Variants in RMST observed in about 807,000 individuals in gnomAD.
RMST encodes the protein rhabdomyosarcoma 2 associated transcript.
In RMST at chr12:97,540,937, GATAGATAGATATAGAT is replaced by G. The variant is rs1224385468; in HGVS notation, n.1545+10086_1545+10101del. Among the ~76,000 whole-genome samples the G allele has an allele frequency of 6.1e-3, 686 of 112,152 alleles. 8 individuals are homozygous for G. Among genetic ancestry groups the G allele is most frequent in the African/African-American group, 0.022 (654 of 29,340 alleles). The allele number at this position is 112,152 out of a possible 152,430, so 73.6% of individuals were successfully genotyped here. A position where few individuals can be genotyped will look rare whatever the true frequency, so the allele number is the denominator to read the frequency against. On this transcript the variant is annotated intron_variant and non_coding_transcript_variant, in intron 11 of 13. Transcript: ENST00000640149. ...GATTAGATAGATAAATAGATAGAGA[GATAGATAGATATAGAT>G]ATAGATATAGATATAGATATAGATA...
chr12:97,482,405 G>T lies in RMST; in HGVS notation n.645-10056G>T, dbSNP rs560567813. Among the ~76,000 whole-genome samples, 4 of 152,100 alleles carry T rather than the reference G, an allele frequency of 2.6e-5. No individual in the cohort carries two copies. The South Asian group carries it at 8.3e-4, about 32-fold the overall frequency. ...CAGCCTGGGTTGGGCCACTGGTAAT[G>T]GTTTGCCAGCCCTCCATGTAGCTTC... On this transcript the variant is annotated intron_variant and non_coding_transcript_variant, in intron 5 of 13. Coordinates refer to ENST00000640149, the Ensembl canonical transcript of RMST.
intron 10 of RMST, among the ~76,000 whole-genome samples, chr12:97,524,735 T>G (rs1341046965): frequency 2.0e-5 from 3 of 152,188 alleles, no homozygotes; most frequent in Non-Finnish European, 4.4e-5. Flanking sequence ...AGTCTGTGAC[T>G]GGGAGCTGAA....
chr12:97,522,256 G>A (rs1220133181), intron 10 of RMST, among the ~76,000 whole-genome samples: 3 of 152,156 alleles, frequency 2.0e-5, no homozygotes, highest in Admixed American at 1.3e-4. Flanking sequence ...GCATTTCCTT[G>A]TATTCATCAA....
chr12:97,477,503 A>G (rs1874694666), intron 5 of RMST, among the ~76,000 whole-genome samples: 1 of 152,224 alleles, frequency 6.6e-6, no homozygotes, highest in Admixed American at 6.5e-5. Flanking sequence ...GTTGTAAAAA[A>G]TTATATAAAA....
intron 13 of RMST, among the ~76,000 whole-genome samples, chr12:97,562,215 C>T (rs771554610): frequency 1.4e-4 from 21 of 152,144 alleles, no homozygotes; most frequent in African/African-American, 4.1e-4. Context: ...AGAAAGAACC[C>T]GCTACCTGAG....
intron 5 of RMST, chr12:97,491,826 C>A: frequency 2.1e-6 from 1 of 465,398 alleles, no homozygotes; most frequent in South Asian, 1.6e-5. Context: ...CGTCATGGGT[C>A]ATTTTCATCA....
At chr12:97,520,225 A>G (rs963840500) in intron 10 of RMST, among the ~76,000 whole-genome samples, 3 of 152,234 alleles carry the variant, frequency 2.0e-5, no homozygotes, top group Non-Finnish European at 4.4e-5. Context: ...GGTCTCCTGT[A>G]GGTTTGGCTG....
At chr12:97,494,464 C>T (rs536680151) in intron 8 of RMST, among the ~76,000 whole-genome samples, 1 of 152,114 alleles carries the variant, frequency 6.6e-6, no homozygotes, top group African/African-American at 2.4e-5. Context: ...GTGGGAGGAC[C>T]CCTTGAGCCC....
intron 11 of RMST, among the ~76,000 whole-genome samples, chr12:97,554,542 A>C (rs1883555679): frequency 6.6e-6 from 1 of 152,206 alleles, no homozygotes; most frequent in Non-Finnish European, 1.5e-5. Context: ...TTAAAAAAAA[A>C]AGTCTTAAGG....
intron 11 of RMST, among the ~76,000 whole-genome samples, chr12:97,539,111 ATAAAAT>A (rs1882309073): frequency 6.6e-6 from 1 of 151,618 alleles, no homozygotes; most frequent in African/African-American, 2.4e-5. Context: ...TATTTTAAAA[ATAAAAT>A]TTGTGTGCAT....
chr12:97,477,581 G>GA (rs1336999501), intron 5 of RMST, among the ~76,000 whole-genome samples: 1 of 152,078 alleles, frequency 6.6e-6, no homozygotes, highest in East Asian at 1.9e-4. Flanking sequence ...TTAAAGGATA[G>GA]AAAAAAATTA....
At chr12:97,511,114 A>G (rs1030676858) in intron 10 of RMST, among the ~76,000 whole-genome samples, 1 of 151,740 alleles carries the variant, frequency 6.6e-6, no homozygotes, top group Non-Finnish European at 1.5e-5. Context: ...TTTAGTGGGC[A>G]ATTATAATAA....
At position 97,546,312 on chromosome 12, in the gene RMST, T is replaced by G. The variant is rs1882926622; in HGVS notation, n.1546-14225T>G. On this transcript the variant is annotated intron_variant and non_coding_transcript_variant, in intron 11 of 13. Coordinates refer to ENST00000640149, the Ensembl canonical transcript of RMST. The stretch of plus-strand genomic sequence containing the variant: ...AATCAAGGAAATGGGCTGGGTGTGG[T>G]GGCTTACACCTGTAATTCCAACACT... Among the ~76,000 whole-genome samples, 3 of 152,278 alleles carry G rather than the reference T, an allele frequency of 2.0e-5. 1 individual carries two copies. The South Asian group carries it at 6.2e-4, about 32-fold the overall frequency.
At chr12:97,515,044 G>A (rs746734624) in intron 10 of RMST, among the ~76,000 whole-genome samples, 9 of 152,074 alleles carry the variant, frequency 5.9e-5, no homozygotes, top group Admixed American at 3.9e-4. Context: ...AGCATACTGC[G>A]TGATAGTAAT....
intron 10 of RMST, among the ~76,000 whole-genome samples, chr12:97,503,552 G>A (rs1448290978): frequency 6.6e-6 from 1 of 151,526 alleles, no homozygotes; most frequent in Non-Finnish European, 1.5e-5. Context: ...CAAACCAGAC[G>A]AAGTCCACAG....
At chr12:97,552,047 A>G (rs1883346193) in intron 11 of RMST, 1 of 152,206 alleles carries the variant, frequency 6.6e-6, no homozygotes, top group South Asian at 2.1e-4. Context: ...AAAGAAGAGA[A>G]AGGAAAAGCT....
At chr12:97,479,424 A>C (rs1593138852) in intron 5 of RMST, among the ~76,000 whole-genome samples, 1 of 152,056 alleles carries the variant, frequency 6.6e-6, no homozygotes, top group East Asian at 1.9e-4. Context: ...AAGTACTGAG[A>C]TTATAGGCGT....
chr12:97,511,260 T>G (rs1313656699), intron 10 of RMST, among the ~76,000 whole-genome samples: 1 of 152,044 alleles, frequency 6.6e-6, no homozygotes, highest in East Asian at 1.9e-4. Context: ...GTGATTCTCT[T>G]GCCTCAGCCT....
At chr12:97,490,401 G>A (rs1052674059) in intron 5 of RMST, among the ~76,000 whole-genome samples, 2 of 152,188 alleles carry the variant, frequency 1.3e-5, no homozygotes, top group African/African-American at 4.8e-5. Context: ...CTAACTATGG[G>A]ATCCAGGGCA....
Sources: allele counts gnomAD v4.1 joint callset (sites outside exome capture counted in the v4.1 genomes callset), GRCh38; gene constraint gnomAD v4.1.1; transcripts MANE v1.5; gene names NCBI Gene and HGNC (gene_info 2026-07-23, HGNC 2026-07-21).